SLC9A9: variants seen among roughly 807,000 people sequenced by gnomAD.
The protein encoded by SLC9A9 is solute carrier family 9 member A9.
A neutral mutation model predicts 77.8 loss-of-function variants in SLC9A9; 62 were observed. That is an observed-to-expected ratio of 0.80 (90% CI 0.65 to 0.98). The LOEUF is 0.98. SLC9A9 is among the 50% of genes least tolerant of loss of function. The pLI, the probability that SLC9A9 is intolerant of heterozygous loss-of-function variation, is 0.00. For missense variants in SLC9A9, 775 were observed against 774.9 expected, an observed-to-expected ratio of 1.00 and a Z score of 0.00; for synonymous variants, 320 against 283.5, an observed-to-expected ratio of 1.13 and a Z score of -1.29.
intron 14 of SLC9A9, among the ~76,000 whole-genome samples, chr3:143,273,837 T>A (rs1248901587): frequency 6.6e-6 from 1 of 152,240 alleles, no homozygotes; most frequent in African/African-American, 2.4e-5. Context: ...AGGTGACTGA[T>A]CAAGTGAATT....
At chr3:143,548,524 C>T (rs960613797) in intron 9 of SLC9A9, among the ~76,000 whole-genome samples, 1 of 152,116 alleles carries the variant, frequency 6.6e-6, no homozygotes, top group African/African-American at 2.4e-5. Context: ...ACTTGATGTG[C>T]ACACCCTAAA....
chr3:143,554,884 G>A (rs2036953265), intron 8 of SLC9A9, among the ~76,000 whole-genome samples: 1 of 152,176 alleles, frequency 6.6e-6, no homozygotes, highest in Non-Finnish European at 1.5e-5. Flanking sequence ...TGTTACATGA[G>A]CAGACAGGTC....
At chr3:143,403,943 C>T (rs114812846) in intron 12 of SLC9A9, among the ~76,000 whole-genome samples, 2,186 of 152,170 alleles carry the variant, frequency 0.014, 58 homozygotes, top group African/African-American at 0.05. Context: ...CCAAAACTTC[C>T]ATTACACACA....
At chr3:143,365,926 C>T (rs1388194439) in intron 13 of SLC9A9, among the ~76,000 whole-genome samples, 1 of 151,768 alleles carries the variant, frequency 6.6e-6, no homozygotes, top group African/African-American at 2.4e-5. Context: ...TGGAACTTTC[C>T]TTTTTTCCCA....
At chr3:143,615,974 G>C (rs1328406830) in intron 6 of SLC9A9, among the ~76,000 whole-genome samples, 2 of 151,010 alleles carry the variant, frequency 1.3e-5, no homozygotes, top group East Asian at 3.9e-4. Flanking sequence ...TCTGCCTCCT[G>C]GGTTCATGCC....
At chr3:143,616,380 A>T (rs1321259234) in intron 6 of SLC9A9, among the ~76,000 whole-genome samples, 1 of 152,174 alleles carries the variant, frequency 6.6e-6, no homozygotes, top group Non-Finnish European at 1.5e-5. Flanking sequence ...AAGCTTTTTA[A>T]AAACATCCCC....
chr3:143,552,372 C>T lies in SLC9A9; in HGVS notation c.1079G>A (p.Arg360Lys). Residue 360 changes from arginine (R) to lysine (K), a missense_variant, in exon 9 of 16, where the codon AGA (arginine) becomes AAA (lysine). Transcript: ENST00000316549. ...AATTTTTTCTTTTACCTGTTTAGTT[C>T]TTATTTTGGAATCCGAAGACAGATT... Reference protein sequence around the residue: ...YNNLSSDSKIRTKQLFEFMNF... With the variant: ...YNNLSSDSKIKTKQLFEFMNF... 6.2e-7 allele frequency: 1 copy of T among 1,612,078 alleles called. No individual in the cohort carries two copies.
At chr3:143,817,294 G>T (rs1022305993) in intron 2 of SLC9A9, among the ~76,000 whole-genome samples, 2 of 150,642 alleles carry the variant, frequency 1.3e-5, no homozygotes, top group Non-Finnish European at 3.0e-5. Flanking sequence ...GACTACAGGC[G>T]CCCGCCACCG....
chr3:143,395,112 T>C (rs2033693556), intron 12 of SLC9A9, among the ~76,000 whole-genome samples: 1 of 152,122 alleles, frequency 6.6e-6, no homozygotes, highest in South Asian at 2.1e-4. Context: ...AAAGTTCATA[T>C]GGAACCAAAA....
At chr3:143,409,129 G>A (rs1013928987) in intron 12 of SLC9A9, among the ~76,000 whole-genome samples, 1 of 152,176 alleles carries the variant, frequency 6.6e-6, no homozygotes, top group African/African-American at 2.4e-5. Context: ...GGGCTTGTTT[G>A]GATGTGAGGT....
At chr3:143,412,571 TCC>T (rs2034115329) in intron 12 of SLC9A9, among the ~76,000 whole-genome samples, 1 of 152,134 alleles carries the variant, frequency 6.6e-6, no homozygotes, top group African/African-American at 2.4e-5. Context: ...CTGTACACAG[TCC>T]CCCACATCTG....
rs142265858 is a variant in SLC9A9, at chr3:143,711,627, G to A, written c.534-18320C>T. ...GAAGAGGACTCAGCATCTTGCCCAG[G>A]TTGGTCTTGAATTCCTAGGCTCAAG... On this transcript the variant is annotated intron_variant, in intron 4 of 15. Coordinates refer to ENST00000316549, the MANE Select transcript of SLC9A9 (RefSeq NM_173653.4). Among the ~76,000 whole-genome samples, 176 of 150,466 alleles carry A rather than the reference G, an allele frequency of 1.2e-3. 1 individual carries two copies. Among genetic ancestry groups the A allele is most frequent in the African/African-American group, 3.8e-3 (155 of 40,888 alleles).
chr3:143,688,803 A>G (rs1369889990), intron 5 of SLC9A9, among the ~76,000 whole-genome samples: 3 of 152,106 alleles, frequency 2.0e-5, no homozygotes, highest in Admixed American at 2.0e-4. Flanking sequence ...GCAAAATAAA[A>G]CATGACAAAC....
chr3:143,495,745 G>T (rs922497153), intron 9 of SLC9A9, among the ~76,000 whole-genome samples: 4 of 152,144 alleles, frequency 2.6e-5, no homozygotes, highest in Non-Finnish European at 5.9e-5. Context: ...TGACAAAATA[G>T]TCCCTGTAAA....
intron 11 of SLC9A9, among the ~76,000 whole-genome samples, chr3:143,488,602 A>G (rs541387049): frequency 1.6e-4 from 25 of 152,148 alleles, no homozygotes; most frequent in African/African-American, 5.1e-4. Flanking sequence ...ACACGCAAAA[A>G]TCAATGAGTG....
At chr3:143,842,056 G>A (rs898036276) in intron 1 of SLC9A9, among the ~76,000 whole-genome samples, 8 of 151,466 alleles carry the variant, frequency 5.3e-5, no homozygotes, top group South Asian at 2.1e-4. Flanking sequence ...TGCCTGGCCC[G>A]GCTATTTTCT....
chr3:143,625,234 T>C (rs1459552120), intron 6 of SLC9A9, among the ~76,000 whole-genome samples: 7 of 152,210 alleles, frequency 4.6e-5, no homozygotes, highest in Admixed American at 6.5e-5. Context: ...AAGCTACCAA[T>C]GACTTTCTTC....
intron 14 of SLC9A9, among the ~76,000 whole-genome samples, chr3:143,323,335 G>C (rs2031480406): frequency 6.6e-6 from 1 of 152,152 alleles, no homozygotes; most frequent in African/African-American, 2.4e-5. Flanking sequence ...ATCAATGAAT[G>C]AATGGATAAA....
At chr3:143,533,142 CA>C (rs2036540121) in intron 9 of SLC9A9, among the ~76,000 whole-genome samples, 1 of 152,242 alleles carries the variant, frequency 6.6e-6, no homozygotes, top group Non-Finnish European at 1.5e-5. Context: ...TGATGACCTA[CA>C]TGTGCTGGGC....
Sources: allele counts gnomAD v4.1 joint callset (sites outside exome capture counted in the v4.1 genomes callset), GRCh38; gene constraint gnomAD v4.1.1; transcripts MANE v1.5; gene names NCBI Gene and HGNC (gene_info 2026-07-23, HGNC 2026-07-21).